Variants in HP1BP3 observed in about 807,000 individuals in gnomAD.
HP1BP3 encodes heterochromatin protein 1-binding protein 3.
A neutral mutation model predicts 62.5 loss-of-function variants in HP1BP3; 12 were observed. The ratio of observed to expected loss-of-function variants is 0.19; its 90% CI spans 0.12 to 0.31. HP1BP3 has a LOEUF of 0.31. Among genes scored for constraint, HP1BP3 ranks in the 10% least tolerant of loss-of-function variants. The probability of loss-of-function intolerance (pLI) is 1.00; values close to 1 mark genes in which losing one functional copy is unlikely to be tolerated. For missense variants in HP1BP3, 502 were observed against 651.8 expected (o/e 0.77, Z 2.50); for synonymous variants, 260 against 237.8 (o/e 1.09, Z -0.86).
intron 8 of HP1BP3, among the ~76,000 whole-genome samples, chr1:20,759,537 G>A (rs1429724516): frequency 6.6e-6 from 1 of 152,210 alleles, no homozygotes; most frequent in African/African-American, 2.4e-5. Flanking sequence ...GATACAATGA[G>A]AAGAAGGCAC....
chr1:20,757,599 G>A (rs2056200455), intron 8 of HP1BP3, among the ~76,000 whole-genome samples: 2 of 151,742 alleles, frequency 1.3e-5, no homozygotes, highest in Admixed American at 6.6e-5. Context: ...TCGAACTCCC[G>A]ACCTCAGGTG....
intron 1 of HP1BP3, among the ~76,000 whole-genome samples, chr1:20,783,314 T>A (rs539598802): frequency 6.6e-6 from 1 of 151,480 alleles, no homozygotes; most frequent in Non-Finnish European, 1.5e-5. Context: ...AGGTCAGGAG[T>A]CCGAGACCAG....
chr1:20,761,914 G>A (rs779349028), intron 8 of HP1BP3, among the ~76,000 whole-genome samples: 9 of 152,202 alleles, frequency 5.9e-5, no homozygotes, highest in Non-Finnish European at 1.2e-4. Context: ...ATGCCATTGA[G>A]AGGGCAGCTG....
rs888865220 is a variant in HP1BP3 at position 20,773,323 on chromosome 1, CCT to C, written c.510+126_510+127del. 3.1e-4 allele frequency: 186 copies of C among 609,014 alleles called. No individual in the cohort carries two copies. The African/African-American group carries it at 3.3e-3, about 11-fold the overall frequency. 37.7% of individuals were successfully genotyped at this position (609,014 alleles called of 1,614,324 possible). On this transcript the variant is annotated intron_variant, in intron 5 of 12. Coordinates refer to ENST00000438032, the MANE Select transcript of HP1BP3 (RefSeq NM_001372052.1). ...AAAAACATGAACTTATAATGACTTTCCTCTCTTTAAAACTCCTTTAGGAAGCA... is the reference window on the plus strand; with the variant it reads ...AAAAACATGAACTTATAATGACTTTCCTCTTTAAAACTCCTTTAGGAAGCA...
intron 10 of HP1BP3, among the ~76,000 whole-genome samples, chr1:20,749,414 A>G (rs991119854): frequency 1.3e-5 from 2 of 149,120 alleles, no homozygotes; most frequent in East Asian, 2.0e-4. Context: ...ATTGGAGTAC[A>G]ATGGTGCAAT....
rs995248816 is a variant in HP1BP3 at position 20,747,460 on chromosome 1, C to T, written c.1253+84G>A. 4 of 874,206 alleles carry T rather than the reference C, an allele frequency of 4.6e-6. No homozygotes were observed. The East Asian group carries it at 7.8e-5, about 17-fold the overall frequency. 54.2% of individuals were successfully genotyped at this position (874,206 alleles called of 1,614,324 possible). A position where few individuals can be genotyped will look rare whatever the true frequency, so the allele number is the denominator to read the frequency against. On this transcript the variant is annotated intron_variant, in intron 11 of 12. Coordinates refer to ENST00000438032, the MANE Select transcript of HP1BP3 (RefSeq NM_001372052.1). ...CGACTGTATTTCCAGTTCACTAAAA[C>T]AGTAATAAGGGTAAAATAAATTAAA... is the stretch of plus-strand genomic sequence containing the variant.
chr1:20,745,781 G>C (rs2055280592), intron 11 of HP1BP3, 125 bp from the exon 12 acceptor site: 15 of 887,054 alleles, frequency 1.7e-5, no homozygotes, highest in Non-Finnish European at 2.5e-5. Flanking sequence ...TGTCAAGCTA[G>C]GTTACACGTA....
At chr1:20,765,175 TAAAAAAAAAA>T (rs4057761) in intron 8 of HP1BP3, among the ~76,000 whole-genome samples, 192 bp downstream of exon 8, 3 of 57,358 alleles carry the variant, frequency 5.2e-5, no homozygotes, top group Non-Finnish European at 1.0e-4. Context: ...CTCAAAAAAC[TAAAAAAAAAA>T]AAAAAAAAAA....
Position 20,776,762 on chromosome 1 carries a change from G to A in HP1BP3, c.197-12C>T. 1.2e-6 allele frequency: 2 copies of A among 1,605,282 alleles called. No individual in the cohort carries two copies. The highest frequency in any genetic ancestry group is 3.3e-4 in the Middle Eastern group (2 of 6,024). On this transcript the variant is annotated splice_polypyrimidine_tract_variant and intron_variant, in intron 3 of 12. Transcript: ENST00000438032. ...ACTTATGTCTGGTTCTAAAAAATCAGGTGAGCAGAATTGCATAAGCAGATG... is the reference window on the plus strand; with the variant it reads ...ACTTATGTCTGGTTCTAAAAAATCAAGTGAGCAGAATTGCATAAGCAGATG...
intron 9 of HP1BP3, among the ~76,000 whole-genome samples, chr1:20,755,589 C>T (rs574034843): frequency 4.6e-5 from 7 of 152,016 alleles, no homozygotes; most frequent in South Asian, 2.1e-4. Context: ...CAAAACAAAA[C>T]GACTTGAGCC....
intron 4 of HP1BP3, chr1:20,776,305 A>G (rs2057302722): frequency 4.7e-6 from 2 of 428,956 alleles, no homozygotes; most frequent in Non-Finnish European, 8.2e-6. Flanking sequence ...AAGTCTTGCC[A>G]ATGCTTAAAA....
At chr1:20,767,529 T>C (rs1291287526) in intron 7 of HP1BP3, 55 bp downstream of exon 7, 2 of 1,144,890 alleles carry the variant, frequency 1.7e-6, no homozygotes, top group African/African-American at 1.5e-5. Flanking sequence ...AATGTTGCTA[T>C]TTTTAGTAGC....
At chr1:20,775,174 G>A (rs1226418914) in intron 4 of HP1BP3, among the ~76,000 whole-genome samples, 3 of 152,090 alleles carry the variant, frequency 2.0e-5, no homozygotes, top group Non-Finnish European at 4.4e-5. Flanking sequence ...CCAAAAGACA[G>A]CACTGTTATC....
At chr1:20,763,760 T>G (rs1349783147) in intron 8 of HP1BP3, among the ~76,000 whole-genome samples, 2 of 152,238 alleles carry the variant, frequency 1.3e-5, no homozygotes, top group Admixed American at 1.3e-4. Context: ...TATCAATTAC[T>G]AACAAAATTA....
chr1:20,773,717 A>T, intron 4 of HP1BP3, 107 bp from the exon 5 acceptor site: 1 of 740,592 alleles, frequency 1.4e-6, no homozygotes, highest in Non-Finnish European at 2.0e-6. Flanking sequence ...GCTTTAATTT[A>T]TTTACAGGCT....
intron 9 of HP1BP3, among the ~76,000 whole-genome samples, chr1:20,756,404 T>TAA (rs898036056): frequency 6.8e-6 from 1 of 146,440 alleles, no homozygotes. Context: ...GACTTCTCAT[T>TAA]AAAAAAAAAA....
At chr1:20,755,320 C>A (rs1175128023) in intron 9 of HP1BP3, 1 of 447,474 alleles carries the variant, frequency 2.2e-6, no homozygotes, top group Non-Finnish European at 4.5e-6. Context: ...GTAATTCCAA[C>A]ACTTTGGGAA....
chr1:20,746,615 G>C (rs1570537377), intron 11 of HP1BP3, among the ~76,000 whole-genome samples: 1 of 152,026 alleles, frequency 6.6e-6, no homozygotes, highest in Admixed American at 6.5e-5. Flanking sequence ...ATATTTTTTT[G>C]TTTCAAAGAA....
At position 20,741,321 on chromosome 1, in the gene HP1BP3, G is replaced by A. The variant is rs1351162196; in HGVS notation, c.*3476C>T. 6.6e-6 allele frequency among the ~76,000 whole-genome samples: 1 copy of A among 152,214 alleles called. No homozygotes were observed. The highest frequency in any genetic ancestry group is 2.4e-5 in the African/African-American group (1 of 41,438). On this transcript the variant is annotated 3_prime_UTR_variant, in exon 13 of 13. Transcript: ENST00000438032. Reference sequence around the variant, plus strand: ...GGCAAGAGGGTCACAGCCTGAGAGAGAATAATTTCACAGGCTCTTTAAAGT... The same window carrying A: ...GGCAAGAGGGTCACAGCCTGAGAGAAAATAATTTCACAGGCTCTTTAAAGT...
Sources: allele counts gnomAD v4.1 joint callset (sites outside exome capture counted in the v4.1 genomes callset), GRCh38; gene constraint gnomAD v4.1.1; transcripts MANE v1.5; gene names NCBI Gene and HGNC (gene_info 2026-07-23, HGNC 2026-07-21).